NRXN1: variants seen among roughly 807,000 people sequenced by gnomAD.
The protein encoded by NRXN1 is neurexin 1, also known as neurexin-1.
Under a neutral mutation model 150.9 loss-of-function variants are expected in NRXN1, and 39 were observed. The ratio of observed to expected loss-of-function variants is 0.26; its 90% CI spans 0.20 to 0.34. The LOEUF (loss-of-function observed/expected upper bound fraction) is 0.34. NRXN1 is among the 10% of genes least tolerant of loss of function. The pLI is 1.00. For synonymous variants in NRXN1, 924 were observed against 757.0 expected (o/e 1.22, Z -3.62); for missense variants, 1,815 against 1,949.9 (o/e 0.93, Z 1.30).
At chr2:50,678,296 AAATTTT>A (rs2104777231) in intron 5 of NRXN1, among the ~76,000 whole-genome samples, 1 of 152,306 alleles carries the variant, frequency 6.6e-6, no homozygotes, top group African/African-American at 2.4e-5. Context: ...ATTACAATTT[AAATTTT>A]ATTTCACATG....
intron 12 of NRXN1, among the ~76,000 whole-genome samples, chr2:50,524,493 A>G (rs1201964045): frequency 7.2e-6 from 1 of 138,546 alleles, no homozygotes; most frequent in Non-Finnish European, 1.6e-5. Flanking sequence ...ATAAATAAAT[A>G]AATAAATAAA....
intron 2 of NRXN1, among the ~76,000 whole-genome samples, chr2:50,986,222 A>C (rs1404764545): frequency 2.0e-5 from 3 of 151,770 alleles, no homozygotes; most frequent in Non-Finnish European, 4.4e-5. Flanking sequence ...GAATTAAAAC[A>C]GAAGCTTTAT....
intron 18 of NRXN1, among the ~76,000 whole-genome samples, chr2:50,222,083 A>C (rs1391084453): frequency 3.5e-4 from 54 of 152,146 alleles, no homozygotes; most frequent in Non-Finnish European, 7.4e-5. Context: ...GGTGAAGAAC[A>C]CAGAGGTAGA....
chr2:50,170,013 C>T (rs2059930259), intron 18 of NRXN1, among the ~76,000 whole-genome samples: 1 of 151,458 alleles, frequency 6.6e-6, no homozygotes, highest in Admixed American at 6.6e-5. Flanking sequence ...TGATCATGAC[C>T]CACAGAAAAA....
intron 18 of NRXN1, among the ~76,000 whole-genome samples, chr2:50,234,760 G>C (rs949171815): frequency 9.2e-5 from 14 of 152,028 alleles, no homozygotes; most frequent in African/African-American, 3.4e-4. Context: ...AGGGTGTGTA[G>C]AGACATGCAC....
chr2:50,903,209 T>C (rs1323063694), intron 5 of NRXN1, among the ~76,000 whole-genome samples: 1 of 152,142 alleles, frequency 6.6e-6, no homozygotes, highest in East Asian at 1.9e-4. Context: ...CTGGAATTGA[T>C]TTGAGGACCC....
intron 2 of NRXN1, among the ~76,000 whole-genome samples, chr2:50,983,306 G>A (rs945973164): frequency 3.9e-5 from 6 of 151,992 alleles, no homozygotes; most frequent in African/African-American, 9.7e-5. Context: ...CTTTCTCCTC[G>A]ATAGAAAAAT....
At chr2:50,599,191 T>G (rs1675832301) in intron 8 of NRXN1, among the ~76,000 whole-genome samples, 1 of 152,134 alleles carries the variant, frequency 6.6e-6, no homozygotes, top group Non-Finnish European at 1.5e-5. Context: ...ACTGAGAAAA[T>G]GACTTATTTG....
chr2:50,804,862 T>G (rs1667304241), intron 5 of NRXN1, among the ~76,000 whole-genome samples: 1 of 152,228 alleles, frequency 6.6e-6, no homozygotes, highest in African/African-American at 2.4e-5. Context: ...AATATACTTT[T>G]ATATCAGTAG....
chr2:50,654,953 C>A (rs945744687), intron 5 of NRXN1, among the ~76,000 whole-genome samples: 2 of 151,792 alleles, frequency 1.3e-5, no homozygotes, highest in Non-Finnish European at 1.5e-5. Context: ...ACCAAGTGAA[C>A]AAGAGGAAAG....
intron 21 of NRXN1, among the ~76,000 whole-genome samples, chr2:49,981,570 C>A (rs1342500833): frequency 6.6e-6 from 1 of 151,928 alleles, no homozygotes; most frequent in African/African-American, 2.4e-5. Flanking sequence ...TTGATAATGA[C>A]CCAAGCAATA....
chr2:50,980,697 T>A (rs1211500461), intron 2 of NRXN1, among the ~76,000 whole-genome samples: 1 of 152,102 alleles, frequency 6.6e-6, no homozygotes, highest in African/African-American at 2.4e-5. Flanking sequence ...TAGATGCTAA[T>A]GTAATTTGTT....
rs1694025724 is a variant in NRXN1, at chr2:50,058,708, G to A, written c.3719-3664C>T. 2.0e-5 allele frequency among the ~76,000 whole-genome samples: 3 copies of A among 152,160 alleles called. No individual in the cohort carries two copies. In the South Asian group the frequency reaches 6.2e-4, roughly 32 times the overall value. On this transcript the variant is annotated intron_variant, in intron 19 of 22. Coordinates refer to ENST00000401669, the MANE Select transcript of NRXN1 (RefSeq NM_001330078.2). ...ACAAGTGGCAGGAGGGACCCAGTGG[G>A]ATGTAATTGAATTATGGGGGTGGGT...
chr2:50,112,935 C>A (rs17039848), intron 18 of NRXN1, among the ~76,000 whole-genome samples: 39,534 of 152,064 alleles, frequency 0.26, 5,540 homozygotes, highest in Admixed American at 0.39. Flanking sequence ...TTTTGGAACA[C>A]AAGACATCTG....
chr2:50,963,539 G>A (rs17041146), intron 2 of NRXN1, among the ~76,000 whole-genome samples: 33,560 of 151,510 alleles, frequency 0.22, 3,796 homozygotes, highest in African/African-American at 0.24. Flanking sequence ...AATTTATTTT[G>A]CAAGTATATA....
At chr2:50,988,454 T>C (rs1698049710) in intron 2 of NRXN1, among the ~76,000 whole-genome samples, 1 of 152,026 alleles carries the variant, frequency 6.6e-6, no homozygotes, top group Non-Finnish European at 1.5e-5. Flanking sequence ...AATGCCAATT[T>C]TGTTTGGAAA....
intron 17 of NRXN1, among the ~76,000 whole-genome samples, chr2:50,461,868 G>A (rs1294015562): frequency 6.6e-6 from 1 of 151,936 alleles, no homozygotes; most frequent in East Asian, 1.9e-4. Flanking sequence ...ATGCATTCCA[G>A]GTGGAATGAA....
chr2:50,098,626 T>C (rs1459215126), intron 18 of NRXN1, among the ~76,000 whole-genome samples: 1 of 152,092 alleles, frequency 6.6e-6, no homozygotes, highest in Non-Finnish European at 1.5e-5. Context: ...ATTGTCTCTA[T>C]CTCCTTGGAA....
intron 17 of NRXN1, among the ~76,000 whole-genome samples, chr2:50,287,864 A>C (rs1361034960): frequency 2.6e-5 from 4 of 152,122 alleles, no homozygotes; most frequent in Admixed American, 6.6e-5. Context: ...TTTTATCTTT[A>C]ATAACCTAGG....
Sources: allele counts gnomAD v4.1 joint callset (sites outside exome capture counted in the v4.1 genomes callset), GRCh38; gene constraint gnomAD v4.1.1; transcripts MANE v1.5; gene names NCBI Gene and HGNC (gene_info 2026-07-23, HGNC 2026-07-21).